Variants in GFRA2 observed in about 807,000 individuals in gnomAD.
GFRA2 encodes the protein GDNF family receptor alpha 2.
A neutral mutation model predicts 48.3 loss-of-function variants in GFRA2; 17 were observed. The observed-to-expected ratio is 0.35, with a 90% CI of 0.24 to 0.53. The LOEUF is 0.53. Among genes scored for constraint, GFRA2 ranks in the 20% least tolerant of loss-of-function variants. The pLI is 0.93. For synonymous variants in GFRA2, 305 were observed against 257.2 expected (o/e 1.19, Z -1.78); for missense variants, 660 against 637.3 (o/e 1.04, Z -0.38).
chr8:21,741,111 A>G (rs574343390), intron 4 of GFRA2, among the ~76,000 whole-genome samples: 40 of 152,122 alleles, frequency 2.6e-4, no homozygotes, highest in Non-Finnish European at 4.4e-4. Context: ...GTTTTTCACA[A>G]TGCACTGCTT....
intron 4 of GFRA2, among the ~76,000 whole-genome samples, chr8:21,716,666 A>G (rs1212559925): frequency 1.3e-5 from 2 of 152,206 alleles, no homozygotes; most frequent in African/African-American, 2.4e-5. Flanking sequence ...CCACAGCCAG[A>G]GATAAACGTG....
chr8:21,730,064 G>A lies in GFRA2; in HGVS notation c.794+20524C>T, dbSNP rs1387642937. Among the ~76,000 whole-genome samples, 14 of 152,224 alleles carry A rather than the reference G, an allele frequency of 9.2e-5. No homozygotes were observed. In the East Asian group the frequency reaches 2.5e-3, roughly 27 times the overall value. ...TGGTGGGAGGGGGGGCCTCATAAAG[G>A]TGTTTCCTGGGTTCTCAGTGTTACG... On this transcript the variant is annotated intron_variant, in intron 4 of 8. Coordinates refer to ENST00000524240, the MANE Select transcript of GFRA2 (RefSeq NM_001495.5).
At chr8:21,721,041 G>C (rs990418979) in intron 4 of GFRA2, among the ~76,000 whole-genome samples, 13 of 151,622 alleles carry the variant, frequency 8.6e-5, no homozygotes, top group Non-Finnish European at 1.6e-4. Context: ...AGGGAGGGGA[G>C]GGAAGGGAAG....
At chr8:21,791,310 T>G (rs1458837088), upstream of GFRA2, among the ~76,000 whole-genome samples, 11 of 152,096 alleles carry the variant, frequency 7.2e-5, no homozygotes, top group African/African-American at 2.7e-4. Flanking sequence ...TAAGTGGCCC[T>G]TCTGCGACCC....
At chr8:21,716,831 A>G (rs1330708622) in intron 4 of GFRA2, among the ~76,000 whole-genome samples, 1 of 152,224 alleles carries the variant, frequency 6.6e-6, no homozygotes, top group Non-Finnish European at 1.5e-5. Flanking sequence ...GCACAACCCT[A>G]GCCCAAAGGA....
At chr8:21,706,122 A>G in intron 4 of GFRA2, 81 bp from the exon 5 acceptor site, 2 of 876,560 alleles carry the variant, frequency 2.3e-6, no homozygotes, top group Non-Finnish European at 3.7e-6. Context: ...TGCCAGTGGC[A>G]TCTCCTCCCT....
intron 4 of GFRA2, among the ~76,000 whole-genome samples, chr8:21,733,136 C>T (rs575553184): frequency 1.3e-5 from 2 of 152,122 alleles, no homozygotes; most frequent in East Asian, 1.9e-4. Context: ...ATGGCCTGCT[C>T]GTTTGTGAGA....
intron 2 of GFRA2, among the ~76,000 whole-genome samples, chr8:21,804,350 G>A (rs1038584997): frequency 1.2e-3 from 177 of 151,772 alleles, no homozygotes; most frequent in African/African-American, 4.0e-3. Context: ...TCGGCAAAAC[G>A]GGAATAATAG....
In GFRA2 at chr8:21,788,197, T is replaced by C; in HGVS notation, c.-38A>G. 1 of 1,596,242 alleles carries C rather than the reference T, an allele frequency of 6.3e-7. No homozygotes were observed. The highest frequency in any genetic ancestry group is 1.4e-5 in the African/African-American group (1 of 73,654). On this transcript the variant is annotated 5_prime_UTR_variant, in exon 1 of 9. Transcript: ENST00000524240. ...CCACCGTTTTTTTGTCTTTCTCCCT[T>C]GGGTAAAAAAAAATAATAGTAGTAA...
At chr8:21,741,988 T>G (rs1804769635) in intron 4 of GFRA2, among the ~76,000 whole-genome samples, 1 of 151,508 alleles carries the variant, frequency 6.6e-6, no homozygotes, top group African/African-American at 2.4e-5. Context: ...TGAGAATATT[T>G]AAAAACAGAG....
intron 6 of GFRA2, among the ~76,000 whole-genome samples, chr8:21,703,304 C>T (rs1027746503): frequency 6.6e-6 from 1 of 152,052 alleles, no homozygotes; most frequent in African/African-American, 2.4e-5. Flanking sequence ...AGGGGGCCAC[C>T]TCCTCTGCAT....
intron 7 of GFRA2, among the ~76,000 whole-genome samples, chr8:21,698,129 G>A (rs1802301217): frequency 6.6e-6 from 1 of 152,178 alleles, no homozygotes; most frequent in Non-Finnish European, 1.5e-5. Flanking sequence ...ATCCCCTAGA[G>A]GCATCTGTGG....
At chr8:21,769,230 A>G in intron 3 of GFRA2, 1 of 968,600 alleles carries the variant, frequency 1.0e-6, no homozygotes. Context: ...GCTCCTCCGA[A>G]GTCTGGCCCC....
chr8:21,774,118 T>G (rs1309445884), intron 3 of GFRA2, among the ~76,000 whole-genome samples: 1 of 151,968 alleles, frequency 6.6e-6, no homozygotes, highest in African/African-American at 2.4e-5. Flanking sequence ...CCCTGGAGCA[T>G]CAATCTCCAG....
At chr8:21,796,003 C>T (rs1383124559) in intron 2 of GFRA2, among the ~76,000 whole-genome samples, 1 of 152,184 alleles carries the variant, frequency 6.6e-6, no homozygotes, top group South Asian at 2.1e-4. Flanking sequence ...CCAGACTTCT[C>T]GAGAAAACTG....
intron 1 of GFRA2, among the ~76,000 whole-genome samples, chr8:21,811,667 C>A (rs183198241): frequency 2.6e-5 from 4 of 152,100 alleles, no homozygotes; most frequent in African/African-American, 4.8e-5. Context: ...AGTCCTCCCC[C>A]CGCCTTCCCC....
chr8:21,785,414 A>G, intron 1 of GFRA2, among the ~76,000 whole-genome samples: 1 of 152,228 alleles, frequency 6.6e-6, no homozygotes, highest in Non-Finnish European at 1.5e-5. Context: ...AATCAAGCCC[A>G]GCCAGAGAAA....
At chr8:21,744,801 T>C (rs1244940258) in intron 4 of GFRA2, among the ~76,000 whole-genome samples, 1 of 152,164 alleles carries the variant, frequency 6.6e-6, no homozygotes, top group Non-Finnish European at 1.5e-5. Flanking sequence ...GATGCTCACT[T>C]AGCTTAAGTC....
intron 4 of GFRA2, among the ~76,000 whole-genome samples, chr8:21,728,890 G>A (rs1235294545): frequency 3.3e-5 from 5 of 152,188 alleles, no homozygotes; most frequent in Non-Finnish European, 5.9e-5. Flanking sequence ...GCTCACTCAG[G>A]GTCACCTTAG....
Sources: allele counts gnomAD v4.1 joint callset (sites outside exome capture counted in the v4.1 genomes callset), GRCh38; gene constraint gnomAD v4.1.1; transcripts MANE v1.5; gene names NCBI Gene and HGNC (gene_info 2026-07-23, HGNC 2026-07-21).